The following OLFML1 variants were observed in gnomAD, a reference collection of about 807,000 sequenced individuals.
OLFML1 encodes olfactomedin-like protein 1.
Under a neutral mutation model 37.3 loss-of-function variants are expected in OLFML1, and 33 were observed. The ratio of observed to expected loss-of-function variants is 0.88; its 90% confidence interval spans 0.67 to 1.18. The LOEUF (loss-of-function observed/expected upper bound fraction) is 1.18, where lower values mean the gene tolerates loss of function less well. Ranked by LOEUF, OLFML1 falls within the 50% of genes most tolerant of loss-of-function variation. The probability of loss-of-function intolerance (pLI) is 0.00; values close to 1 mark genes in which losing one functional copy is unlikely to be tolerated. For missense variants in OLFML1, 545 were observed against 483.7 expected (o/e 1.13, Z -1.19); for synonymous variants, 186 against 181.3 (o/e 1.03, Z -0.21).
At position 7,488,108 on chromosome 11, in the gene OLFML1, A is replaced by T. The variant is rs756363270; in HGVS notation, c.130-19A>T. ...TTAAATAACAAGCAATAATTTGCAAATTTATTTTCTGACTGAAGCAAGGGC... is the reference window on the plus strand; with the variant it reads ...TTAAATAACAAGCAATAATTTGCAATTTTATTTTCTGACTGAAGCAAGGGC... On this transcript the variant is annotated intron_variant, in intron 1 of 2. Transcript: ENST00000329293. 1 of 1,579,336 alleles carries T rather than the reference A, an allele frequency of 6.3e-7. No homozygotes were observed. The highest frequency in any genetic ancestry group is 2.3e-5 in the East Asian group (1 of 44,274).
chr11:7,501,945 G>A (rs1475756996), intron 2 of OLFML1, among the ~76,000 whole-genome samples: 1 of 152,172 alleles, frequency 6.6e-6, no homozygotes, highest in Non-Finnish European at 1.5e-5. Flanking sequence ...CTAGGAGCGG[G>A]AGAGAAGGAC....
intron 2 of OLFML1, among the ~76,000 whole-genome samples, chr11:7,498,488 C>A (rs1049179227): frequency 2.6e-5 from 4 of 152,148 alleles, no homozygotes; most frequent in Admixed American, 1.3e-4. Context: ...TCATGAAATA[C>A]CCCTAATTTT....
At chr11:7,487,813 A>G (rs553041895) in intron 1 of OLFML1, among the ~76,000 whole-genome samples, 2 of 152,194 alleles carry the variant, frequency 1.3e-5, no homozygotes, top group Admixed American at 6.5e-5. Context: ...TGGTATAGGT[A>G]TACTTTAATT....
chr11:7,501,285 G>A (rs999010208), intron 2 of OLFML1, among the ~76,000 whole-genome samples: 1 of 152,220 alleles, frequency 6.6e-6, no homozygotes, highest in Admixed American at 6.5e-5. Flanking sequence ...CAGTAGCTCA[G>A]TATGGCAGGG....
intron 1 of OLFML1, among the ~76,000 whole-genome samples, chr11:7,487,833 G>C (rs545171671): frequency 3.3e-5 from 5 of 152,108 alleles, no homozygotes; most frequent in Non-Finnish European, 7.4e-5. Context: ...TAGTATCAAA[G>C]TATGTTCACA....
chr11:7,499,109 A>G (rs1458415044), intron 2 of OLFML1, among the ~76,000 whole-genome samples: 1 of 152,258 alleles, frequency 6.6e-6, no homozygotes, highest in Non-Finnish European at 1.5e-5. Context: ...AGTATTTAAA[A>G]GATTCAATTA....
rs542688920 is a variant in OLFML1 at position 7,487,401 on chromosome 11, C to A, written c.130-726C>A. Among the ~76,000 whole-genome samples the A allele has an allele frequency of 2.6e-5, 4 of 152,334 alleles. No homozygotes were observed. The East Asian group carries it at 7.7e-4, about 29-fold the overall frequency. ...TCTCCCTTCAAAATAAACAGCCTTA[C>A]GTATTGTTGTTTGGAGCATACATTT... On this transcript the variant is annotated intron_variant, in intron 1 of 2. Transcript: ENST00000329293.
At position 7,485,980 on chromosome 11, in the gene OLFML1, C is replaced by T. The variant is rs1362046531; in HGVS notation, c.105C>T (p.Ile35=). The T allele has an allele frequency of 2.1e-5, 34 of 1,613,976 alleles. No homozygotes were observed. Among genetic ancestry groups the T allele is most frequent in the Non-Finnish European group, 2.8e-5 (33 of 1,179,978 alleles). Residue 35 remains isoleucine, a synonymous_variant, in exon 1 of 3, where the codon ATC becomes ATT. Coordinates refer to ENST00000329293, the MANE Select transcript of OLFML1 (RefSeq NM_198474.4). ...CTQDPAMVHY[I]YQRFRVLEQG... is the part of the protein sequence containing the mutation. ...AGGACCCAGCCATGGTGCATTACAT[C>T]TACCAGCGCTTTCGAGTCTTGGAGG...
In OLFML1 at chr11:7,510,030, A is replaced by G; in HGVS notation, c.1051A>G (p.Ile351Val). 1 of 1,614,226 alleles carries G rather than the reference A, an allele frequency of 6.2e-7. No homozygotes were observed. The highest frequency in any genetic ancestry group is 8.5e-7 in the Non-Finnish European group (1 of 1,180,040). The change falls in exon 3 of 3, where the codon ATC (isoleucine) becomes GTC (valine). Residue 351 changes from isoleucine to valine, a missense_variant. Physicochemically the swap from Ile to Val is conservative, Grantham distance 29. Coordinates refer to ENST00000329293, the MANE Select transcript of OLFML1 (RefSeq NM_198474.4). ...CTGCATCTATGATCCACTGGGCACT[A>G]TCAGTGAGGAGGACTTGCCCAACTT... ...ITCIYDPLGT[I>V]SEEDLPNLFF...
At chr11:7,501,337 G>A (rs919151632) in intron 2 of OLFML1, among the ~76,000 whole-genome samples, 2 of 152,202 alleles carry the variant, frequency 1.3e-5, no homozygotes, top group Non-Finnish European at 2.9e-5. Flanking sequence ...AAGGTTCCCT[G>A]TTGTCCCAGA....
chr11:7,499,526 A>C (rs945263076), intron 2 of OLFML1, among the ~76,000 whole-genome samples: 2 of 152,244 alleles, frequency 1.3e-5, no homozygotes, highest in African/African-American at 4.8e-5. Flanking sequence ...AACTATGTAG[A>C]GAGCATCCAA....
chr11:7,508,832 A>C (rs1215930188), intron 2 of OLFML1, among the ~76,000 whole-genome samples: 3 of 152,230 alleles, frequency 2.0e-5, no homozygotes, highest in African/African-American at 7.2e-5. Flanking sequence ...TTGTAACCTA[A>C]GTACACAGTA....
rs1358225368 is a variant in OLFML1, at chr11:7,509,420, C to A, written c.441C>A (p.Gly147=). 3 of 1,612,138 alleles carry A rather than the reference C, an allele frequency of 1.9e-6. No individual in the cohort carries two copies. In the South Asian group the frequency reaches 3.3e-5, roughly 18 times the overall value. ...LNASCDNMLM[G]IKSLKIVKKM... ...CAGGCTGTGACAACATGCTGATGGG[C>A]ATAAAGTCTTTGAAAATAGTGAAGA... is the stretch of plus-strand genomic sequence containing the variant. The change falls in exon 3 of 3, where the codon GGC becomes GGA. Residue 147 remains glycine (G), a synonymous_variant. Coordinates refer to ENST00000329293, the MANE Select transcript of OLFML1 (RefSeq NM_198474.4).
chr11:7,508,115 C>T (rs935980746), intron 2 of OLFML1, among the ~76,000 whole-genome samples: 7 of 152,106 alleles, frequency 4.6e-5, no homozygotes, highest in African/African-American at 1.2e-4. Context: ...AATAGATATA[C>T]GGTTCATTAA....
chr11:7,504,318 G>A (rs1362209556), intron 2 of OLFML1, among the ~76,000 whole-genome samples: 2 of 152,142 alleles, frequency 1.3e-5, no homozygotes, highest in Non-Finnish European at 2.9e-5. Flanking sequence ...AGGTGGAGAA[G>A]TTGTAGGGGA....
At chr11:7,508,627 G>A (rs376069417) in intron 2 of OLFML1, among the ~76,000 whole-genome samples, 59 of 152,152 alleles carry the variant, frequency 3.9e-4, no homozygotes, top group African/African-American at 1.3e-3. Flanking sequence ...ATAATACTTC[G>A]CTCATTATCT....
intron 2 of OLFML1, among the ~76,000 whole-genome samples, chr11:7,506,710 G>A (rs1275049304): frequency 6.6e-6 from 1 of 152,156 alleles, no homozygotes; most frequent in Non-Finnish European, 1.5e-5. Flanking sequence ...CTCATCCTAG[G>A]CCAGGGACTT....
In OLFML1 at chr11:7,508,157, C is replaced by T. The variant is rs538291398; in HGVS notation, c.419-1241C>T. ...GTGGATCATCATAAAGGTCTTCATC[C>T]GCATCATCCTCTTCACAATGAGTAG... On this transcript the variant is annotated intron_variant, in intron 2 of 2. Transcript: ENST00000329293. 1.2e-4 allele frequency among the ~76,000 whole-genome samples: 18 copies of T among 152,272 alleles called. No homozygotes were observed. The South Asian group carries it at 1.5e-3, about 12-fold the overall frequency.
At position 7,507,517 on chromosome 11, in the gene OLFML1, T is replaced by C. The variant is rs79261004; in HGVS notation, c.419-1881T>C. 5.3e-5 allele frequency among the ~76,000 whole-genome samples: 8 copies of C among 151,932 alleles called. No individual in the cohort carries two copies. In the East Asian group the frequency reaches 5.8e-4, roughly 11 times the overall value. On this transcript the variant is annotated intron_variant, in intron 2 of 2. Coordinates refer to ENST00000329293, the MANE Select transcript of OLFML1 (RefSeq NM_198474.4). ...CCCTTGGATAATACAGTTGCTAAGG[T>C]TGCTGACCCTTGTGCGTTGAAAATT...
Sources: gnomAD v4.1 joint callset for allele counts (sites outside exome capture counted in the v4.1 genomes callset) on GRCh38, gnomAD v4.1.1 for gene constraint, MANE v1.5 for transcripts, NCBI Gene and HGNC (gene_info 2026-07-23, HGNC 2026-07-21) for gene names.